The following MICU1 variants were observed in gnomAD, a reference collection of about 807,000 sequenced individuals.
MICU1 encodes the protein mitochondrial calcium uptake 1, also known as calcium uptake protein 1, mitochondrial.
A neutral mutation model predicts 56.8 loss-of-function variants in MICU1; 45 were observed. That is an observed-to-expected ratio of 0.79 (90% CI 0.62 to 1.02). The LOEUF is 1.02. Among genes scored for constraint, MICU1 ranks in the 50% least tolerant of loss-of-function variants. The pLI is 0.00. For synonymous variants in MICU1, 186 were observed against 195.1 expected, an observed-to-expected ratio of 0.95 and a Z score of 0.39; for missense variants, 504 against 587.1, an observed-to-expected ratio of 0.86 and a Z score of 1.46.
chr10:72,385,593 G>A (rs1862860201), intron 10 of MICU1, among the ~76,000 whole-genome samples: 4 of 152,162 alleles, frequency 2.6e-5, no homozygotes, highest in Admixed American at 2.6e-4. Flanking sequence ...CAGTTTAAAT[G>A]TCCCTATCTT....
intron 1 of MICU1, among the ~76,000 whole-genome samples, chr10:72,597,257 A>G (rs550695451): frequency 1.3e-5 from 2 of 152,210 alleles, no homozygotes; most frequent in Non-Finnish European, 2.9e-5. Context: ...ACTATTCTCC[A>G]AAACAGTACG....
In MICU1 at chr10:72,367,507, A is replaced by C. The variant is rs1315877094; in HGVS notation, c.*688T>G. Reference sequence around the variant, plus strand: ...GCTCAATCACTATTGCTCACTAAGCACAGGGTCACACTGGAGTCATCTTAG... The same window carrying C: ...GCTCAATCACTATTGCTCACTAAGCCCAGGGTCACACTGGAGTCATCTTAG... On this transcript the variant is annotated 3_prime_UTR_variant, in exon 12 of 12. Transcript: ENST00000361114. 1 of 152,398 alleles carries C rather than the reference A, an allele frequency of 6.6e-6. No homozygotes were observed. The highest frequency in any genetic ancestry group is 2.4e-5 in the African/African-American group (1 of 41,442). 9.4% of individuals were successfully genotyped at this position (152,398 alleles called of 1,614,324 possible). A position where few individuals can be genotyped will look rare whatever the true frequency, so the allele number is the denominator to read the frequency against.
At chr10:72,417,724 C>T (rs1864029264) in intron 9 of MICU1, among the ~76,000 whole-genome samples, 2 of 152,136 alleles carry the variant, frequency 1.3e-5, no homozygotes, top group Non-Finnish European at 2.9e-5. Flanking sequence ...TAATTTTTGT[C>T]AAGCACGGCA....
chr10:72,493,810 T>C (rs2043300264), intron 6 of MICU1, among the ~76,000 whole-genome samples: 1 of 152,170 alleles, frequency 6.6e-6, no homozygotes, highest in African/African-American at 2.4e-5. Flanking sequence ...ATGTGATTAT[T>C]TTATTAGCCT....
intron 3 of MICU1, among the ~76,000 whole-genome samples, chr10:72,552,897 A>G (rs1376751080): frequency 2.0e-5 from 3 of 152,196 alleles, no homozygotes; most frequent in Non-Finnish European, 4.4e-5. Flanking sequence ...AGAAATTACT[A>G]TAACTGTCAG....
At chr10:72,421,996 C>T (rs1463777951) in intron 9 of MICU1, among the ~76,000 whole-genome samples, 6 of 152,192 alleles carry the variant, frequency 3.9e-5, no homozygotes, top group Non-Finnish European at 7.3e-5. Context: ...GTTCTTCACA[C>T]ATACCAGGTT....
At position 72,566,699 on chromosome 10, in the gene MICU1, C is replaced by T; in HGVS notation, c.95G>A (p.Arg32Lys). ...GGSQPIQIRR[R>K]LMMVAFLGAS... ...TCCCAGGAAAGCCACCATCATTAGT[C>T]TTCGCCGGATCTGGATGGGCTGTGA... Residue 32 changes from arginine to lysine, a missense_variant, in exon 2 of 12, where the codon AGA (arginine) becomes AAA (lysine). By Grantham distance (26) the Arg-to-Lys change is conservative. Coordinates refer to ENST00000361114, the MANE Select transcript of MICU1 (RefSeq NM_001195518.2). The T allele has an allele frequency of 6.2e-7, 1 of 1,612,896 alleles. No individual in the cohort carries two copies. The highest frequency in any genetic ancestry group is 8.5e-7 in the Non-Finnish European group (1 of 1,179,426).
At chr10:72,438,074 C>T (rs1425655558) in intron 8 of MICU1, among the ~76,000 whole-genome samples, 4 of 152,064 alleles carry the variant, frequency 2.6e-5, no homozygotes, top group Admixed American at 6.5e-5. Flanking sequence ...GAACTCTCCA[C>T]CCCAAATCAA....
At chr10:72,431,935 T>A (rs541400696) in intron 8 of MICU1, among the ~76,000 whole-genome samples, 3 of 152,312 alleles carry the variant, frequency 2.0e-5, no homozygotes, top group Non-Finnish European at 2.9e-5. Flanking sequence ...TTTCTTTGAT[T>A]ACTAGGTTGA....
rs191240504 is a variant in MICU1, at chr10:72,612,904, T to C, written c.-2+13106A>G. On this transcript the variant is annotated intron_variant, in intron 1 of 11. Coordinates refer to ENST00000361114, the MANE Select transcript of MICU1 (RefSeq NM_001195518.2). ...ATGCATACAAATGACATACAAAGAA[T>C]AAAAAAGAGAGAGAAAAGATGCAGT... Among the ~76,000 whole-genome samples, 273 of 149,922 alleles carry C rather than the reference T, an allele frequency of 1.8e-3. 1 individual carries two copies. The highest frequency in any genetic ancestry group is 3.2e-3 in the Non-Finnish European group (215 of 67,358).
intron 8 of MICU1, among the ~76,000 whole-genome samples, chr10:72,424,386 TAC>T (rs1178477100): frequency 4.6e-5 from 7 of 152,304 alleles, no homozygotes; most frequent in African/African-American, 1.7e-4. Flanking sequence ...GTGCTGGTAT[TAC>T]AGACATGAAC....
chr10:72,382,023 C>T (rs1035763561), intron 10 of MICU1, among the ~76,000 whole-genome samples: 1 of 148,100 alleles, frequency 6.8e-6, no homozygotes, highest in South Asian at 2.1e-4. Context: ...TGGAGAAACA[C>T]GTAGAAGAGA....
intron 4 of MICU1, among the ~76,000 whole-genome samples, chr10:72,545,793 G>C (rs1010203730): frequency 6.6e-6 from 1 of 152,174 alleles, no homozygotes; most frequent in African/African-American, 2.4e-5. Flanking sequence ...GAAGAGACAG[G>C]TTTGCAGGGC....
chr10:72,569,222 TATATATA>T lies in MICU1; in HGVS notation c.-1-2435_-1-2429del, dbSNP rs1381194165. 5.8e-3 allele frequency among the ~76,000 whole-genome samples: 253 copies of T among 43,352 alleles called. 6 individuals are homozygous for T. The highest frequency in any genetic ancestry group is 9.9e-3 in the Non-Finnish European group (199 of 20,114). The allele number at this position is 43,352 out of a possible 152,430, so 28.4% of individuals were successfully genotyped here. A position where few individuals can be genotyped will look rare whatever the true frequency, so the allele number is the denominator to read the frequency against. ...ATATATATGCATATATATATATATA[TATATATA>T]TATATATATTTTTTTTTTTTTTTGA... On this transcript the variant is annotated intron_variant, in intron 1 of 11. Transcript: ENST00000361114.
chr10:72,386,529 C>T (rs1490867264), intron 10 of MICU1, among the ~76,000 whole-genome samples: 5 of 150,730 alleles, frequency 3.3e-5, no homozygotes, highest in Admixed American at 1.3e-4. Flanking sequence ...TATATAGAGC[C>T]GCACTCATCC....
At chr10:72,470,622 C>G (rs2395233) in intron 8 of MICU1, among the ~76,000 whole-genome samples, 98,443 of 151,906 alleles carry the variant, frequency 0.65, 33,072 homozygotes, top group African/African-American at 0.77. Flanking sequence ...TGATAGCAGA[C>G]CCCTCATGAC....
chr10:72,396,697 C>G (rs1863276040), intron 10 of MICU1, among the ~76,000 whole-genome samples: 1 of 152,018 alleles, frequency 6.6e-6, no homozygotes, highest in Non-Finnish European at 1.5e-5. Context: ...GATTGAAGAT[C>G]AAATTAATGA....
At chr10:72,553,435 G>A (rs1262143661) in intron 3 of MICU1, among the ~76,000 whole-genome samples, 4 of 152,026 alleles carry the variant, frequency 2.6e-5, no homozygotes, top group African/African-American at 9.6e-5. Context: ...GGGTTTCACC[G>A]TGTTAGCCAG....
At chr10:72,557,472 C>T (rs1180678479) in intron 3 of MICU1, among the ~76,000 whole-genome samples, 1 of 152,172 alleles carries the variant, frequency 6.6e-6, no homozygotes, top group Non-Finnish European at 1.5e-5. Context: ...AAAATCAAGG[C>T]TCAAGATCAC....
Sources: allele counts gnomAD v4.1 joint callset (sites outside exome capture counted in the v4.1 genomes callset), GRCh38; gene constraint gnomAD v4.1.1; transcripts MANE v1.5; gene names NCBI Gene and HGNC (gene_info 2026-07-23, HGNC 2026-07-21).